NPAS3: variants seen among roughly 807,000 people sequenced by gnomAD.
NPAS3 encodes neuronal PAS domain protein 3, also known as neuronal PAS domain-containing protein 3.
In NPAS3, 14 loss-of-function variants were observed where a neutral mutation model predicts 73.1. That is an observed-to-expected ratio of 0.19 (90% CI 0.13 to 0.30). The LOEUF (loss-of-function observed/expected upper bound fraction) is 0.30. Ranked by LOEUF, NPAS3 falls within the 10% of genes least tolerant of loss-of-function variation. NPAS3 has a pLI of 1.00. For synonymous variants in NPAS3, 620 were observed against 541.5 expected (o/e 1.14, Z -2.01); for missense variants, 1,096 against 1,250.0 (o/e 0.88, Z 1.86).
intron 5 of NPAS3, among the ~76,000 whole-genome samples, chr14:33,599,967 G>T (rs2057352046): frequency 6.6e-6 from 1 of 152,116 alleles, no homozygotes; most frequent in South Asian, 2.1e-4. Flanking sequence ...TCTGGATACT[G>T]GTAACTTTTA....
intron 2 of NPAS3, among the ~76,000 whole-genome samples, chr14:33,178,933 G>A (rs185898415): frequency 6.6e-6 from 1 of 152,290 alleles, no homozygotes; most frequent in Admixed American, 6.5e-5. Context: ...CATTGAGTGT[G>A]ATGCTAGCTG....
chr14:32,990,728 C>A (rs2038295786), intron 1 of NPAS3, among the ~76,000 whole-genome samples: 1 of 152,020 alleles, frequency 6.6e-6, no homozygotes, highest in South Asian at 2.1e-4. Flanking sequence ...GAGTTTGAGA[C>A]TAGCCTGGGC....
chr14:33,751,382 TC>T (rs2061957434), intron 7 of NPAS3, among the ~76,000 whole-genome samples: 3 of 152,166 alleles, frequency 2.0e-5, no homozygotes, highest in African/African-American at 7.2e-5. Context: ...AGGGACTTTT[TC>T]CCCTTAATCT....
At chr14:33,724,106 T>G (rs2061194625) in intron 6 of NPAS3, among the ~76,000 whole-genome samples, 1 of 152,130 alleles carries the variant, frequency 6.6e-6, no homozygotes, top group Admixed American at 6.6e-5. Flanking sequence ...TATAAAATTT[T>G]AAGACATATG....
rs1244578106 is a variant in NPAS3 at position 33,800,444 on chromosome 14, G to T, written c.2137G>T (p.Asp713Tyr). The T allele has an allele frequency of 6.4e-7, 1 of 1,568,868 alleles. No homozygotes were observed. ...CGGGGGGCTGCACGTGGCCATTCCC[G>T]ACTCGGTCCTCACCCCGCCCGGCGC... Residue 713 changes from aspartate (D) to tyrosine (Y), a missense_variant, in exon 12 of 12, where the codon GAC (aspartate) becomes TAC (tyrosine). By Grantham distance (160) the Asp-to-Tyr change is radical. Around this residue, in one of 5 missense-constraint regions of NPAS3, gnomAD observed 698 missense variants for 676.7 expected, o/e 1.03. Coordinates refer to ENST00000356141, the Ensembl canonical transcript of NPAS3. The surrounding 1 kb of genome is among the most constrained non-coding windows in gnomAD (Gnocchi z 6.5).
At chr14:33,505,529 G>T (rs186807848) in intron 4 of NPAS3, among the ~76,000 whole-genome samples, 1 of 151,904 alleles carries the variant, frequency 6.6e-6, no homozygotes, top group Non-Finnish European at 1.5e-5. Flanking sequence ...TATCCCTCAG[G>T]AGCCCATCTG....
At chr14:33,379,717 G>C (rs2140473403) in intron 4 of NPAS3, among the ~76,000 whole-genome samples, 1 of 152,202 alleles carries the variant, frequency 6.6e-6, no homozygotes, top group South Asian at 2.1e-4. Context: ...GTGATAATGT[G>C]CATCGTTTCT....
intron 2 of NPAS3, among the ~76,000 whole-genome samples, chr14:33,062,740 G>C: frequency 6.6e-6 from 1 of 152,290 alleles, no homozygotes; most frequent in East Asian, 1.9e-4. Flanking sequence ...GTTGAACAGC[G>C]GCGTTCAAAA....
chr14:33,269,974 G>A lies in NPAS3; in HGVS notation c.385+54548G>A, dbSNP rs577461948. On this transcript the variant is annotated intron_variant, in intron 3 of 11. Transcript: ENST00000356141. ...AGAGCCTAAGATGGGATTCTTGGGC[G>A]GGTGCAGTAGTGAGGGAGTGCTCTC... Among the ~76,000 whole-genome samples the A allele has an allele frequency of 2.6e-4, 40 of 152,198 alleles. 1 individual carries two copies. In the South Asian group the frequency reaches 7.7e-3, roughly 29 times the overall value.
chr14:33,404,105 C>T (rs1331696980), intron 4 of NPAS3, among the ~76,000 whole-genome samples: 1 of 152,074 alleles, frequency 6.6e-6, no homozygotes, highest in Non-Finnish European at 1.5e-5. Flanking sequence ...TTTTTTGTCT[C>T]TAACTGAGAA....
chr14:33,515,291 G>C (rs1473591885), intron 4 of NPAS3, among the ~76,000 whole-genome samples: 1 of 152,042 alleles, frequency 6.6e-6, no homozygotes, highest in Non-Finnish European at 1.5e-5. Flanking sequence ...ATAAGAATGA[G>C]TAAGAGTGGC....
chr14:33,461,862 A>T (rs906740093), intron 4 of NPAS3, among the ~76,000 whole-genome samples: 1 of 152,182 alleles, frequency 6.6e-6, no homozygotes, highest in Non-Finnish European at 1.5e-5. Context: ...CCTGCCTGAC[A>T]CTCAGTTTCA....
chr14:33,320,880 A>C (rs984498676), intron 3 of NPAS3, among the ~76,000 whole-genome samples: 22 of 142,234 alleles, frequency 1.5e-4, no homozygotes, highest in Admixed American at 6.7e-4. Flanking sequence ...TATACACCTC[A>C]AAAAAAATTA....
chr14:33,163,047 C>T lies in NPAS3; in HGVS notation c.141-52135C>T, dbSNP rs548382370. ...TTAACATCATGACAACCTGACTCAC[C>T]GACCACTTTCACTTTTTCAAAAAAC... On this transcript the variant is annotated intron_variant, in intron 2 of 11. Coordinates refer to ENST00000356141, the Ensembl canonical transcript of NPAS3. Among the ~76,000 whole-genome samples, 35 of 152,252 alleles carry T rather than the reference C, an allele frequency of 2.3e-4. No individual in the cohort carries two copies. In the East Asian group the frequency reaches 5.6e-3, roughly 24 times the overall value.
At position 33,504,927 on chromosome 14, in the gene NPAS3, G is replaced by T. The variant is rs138678507; in HGVS notation, c.469-55194G>T. ...GGAGACAGATAGGAATTAGGCAAAAGAAATGGGGAGAGAAAATGCTTCAAA... is the reference window on the plus strand; with the variant it reads ...GGAGACAGATAGGAATTAGGCAAAATAAATGGGGAGAGAAAATGCTTCAAA... On this transcript the variant is annotated intron_variant, in intron 4 of 11. Transcript: ENST00000356141. Among the ~76,000 whole-genome samples the T allele has an allele frequency of 1.3e-3, 204 of 152,122 alleles. 1 individual carries two copies. Among genetic ancestry groups the T allele is most frequent in the African/African-American group, 4.6e-3 (193 of 41,546 alleles).
intron 1 of NPAS3, among the ~76,000 whole-genome samples, chr14:32,975,896 T>TGTGTGTGTGTGTGAGA (rs374916231): frequency 7.7e-5 from 11 of 142,200 alleles, no homozygotes; most frequent in African/African-American, 1.6e-4. Context: ...TGTGTGTGTG[T>TGTGTGTGTGTGTGAGA]GAGAGAGAGA....
At position 33,499,851 on chromosome 14, in the gene NPAS3, A is replaced by C. The variant is rs372911763; in HGVS notation, c.469-60270A>C. Among the ~76,000 whole-genome samples, 3 of 151,756 alleles carry C rather than the reference A, an allele frequency of 2.0e-5. No individual in the cohort carries two copies. In the East Asian group the frequency reaches 5.8e-4, roughly 29 times the overall value. On this transcript the variant is annotated intron_variant, in intron 4 of 11. Coordinates refer to ENST00000356141, the Ensembl canonical transcript of NPAS3. The stretch of plus-strand genomic sequence containing the variant: ...GCTTTCCCGCTATTTCCAACTGTTT[A>C]TCTCTGGCAGCCTTCTCGCAGTGAG...
chr14:33,085,737 T>A (rs1204162436), intron 2 of NPAS3, among the ~76,000 whole-genome samples: 3 of 152,204 alleles, frequency 2.0e-5, no homozygotes, highest in African/African-American at 7.2e-5. Context: ...TTAAATATAG[T>A]AAGATACAAC....
intron 3 of NPAS3, among the ~76,000 whole-genome samples, chr14:33,273,114 G>T (rs2041170494): frequency 6.6e-6 from 1 of 152,150 alleles, no homozygotes; most frequent in African/African-American, 2.4e-5. Flanking sequence ...TCCAGTGGCT[G>T]GTCTGCACAG....
Sources: gnomAD v4.1 joint callset for allele counts (sites outside exome capture counted in the v4.1 genomes callset) on GRCh38, gnomAD v4.1.1 for gene constraint, gnomAD v4.1.1 regional missense constraint, Gnocchi (gnomAD v3.1) non-coding constraint, MANE v1.5 for transcripts, NCBI Gene and HGNC (gene_info 2026-07-23, HGNC 2026-07-21) for gene names.